Variants in COL4A2 observed in about 807,000 individuals in gnomAD.
The protein encoded by COL4A2 is collagen type IV alpha 2 chain.
COL4A2 carries 99 observed loss-of-function variants against 200.2 expected under a neutral mutation model. The observed-to-expected ratio is 0.49, with a 90% CI of 0.42 to 0.58. The LOEUF (loss-of-function observed/expected upper bound fraction) is 0.58. COL4A2 is among the 20% of genes least tolerant of loss of function. COL4A2 has a pLI of 0.00. For synonymous variants in COL4A2, 897 were observed against 900.6 expected (o/e 1.00, Z 0.07); for missense variants, 1,950 against 2,314.1 (o/e 0.84, Z 3.23).
chr13:110,360,019 T>G (rs1877446721), intron 4 of COL4A2, among the ~76,000 whole-genome samples: 1 of 152,232 alleles, frequency 6.6e-6, no homozygotes, highest in Non-Finnish European at 1.5e-5. Flanking sequence ...AATTTTTAAG[T>G]TTATGGAAGC....
Position 110,339,853 on chromosome 13 carries a change from A to T in COL4A2, c.100-17619A>T, listed in dbSNP as rs116520574. ...AAATAATGACAGTCTGTGGCACTTCAGAAGCATTCCAGAAATGGAACAATG... is the reference window on the plus strand; with the variant it reads ...AAATAATGACAGTCTGTGGCACTTCTGAAGCATTCCAGAAATGGAACAATG... On this transcript the variant is annotated intron_variant, in intron 3 of 47. Coordinates refer to ENST00000360467, the MANE Select transcript of COL4A2 (RefSeq NM_001846.4). 8.7e-3 allele frequency among the ~76,000 whole-genome samples: 1,321 copies of T among 152,344 alleles called. 19 individuals are homozygous for T. Among genetic ancestry groups the T allele is most frequent in the African/African-American group, 0.03 (1,252 of 41,574 alleles).
rs1883968346 is a variant in COL4A2, at chr13:110,508,576, T to C, written c.4881+355T>C. ...GAAGTCTAAATATATGGGAGACTTT[T>C]CTCTAGAATCCTGATCTTATTTAGA... On this transcript the variant is annotated intron_variant, in intron 47 of 47. Transcript: ENST00000360467. The surrounding 1 kb of genome is among the most constrained non-coding windows in gnomAD (Gnocchi z 6.1). Among the ~76,000 whole-genome samples the C allele has an allele frequency of 6.6e-6, 1 of 152,246 alleles. No individual in the cohort carries two copies. The highest frequency in any genetic ancestry group is 6.5e-5 in the Admixed American group (1 of 15,284).
At position 110,308,426 on chromosome 13, in the gene COL4A2, G is replaced by C. The variant is rs183571409; in HGVS notation, c.99+303G>C. On this transcript the variant is annotated intron_variant, in intron 3 of 47. Coordinates refer to ENST00000360467, the MANE Select transcript of COL4A2 (RefSeq NM_001846.4). ...CGTTGCTTTGGGCAAAGCTGCAGCC[G>C]TAGAGGCCAGGAAAGTGTGTCAGTC... 7.2e-5 allele frequency among the ~76,000 whole-genome samples: 11 copies of C among 152,218 alleles called. No individual in the cohort carries two copies. The East Asian group carries it at 2.1e-3, about 29-fold the overall frequency.
intron 4 of COL4A2, among the ~76,000 whole-genome samples, chr13:110,392,823 A>G (rs1879037937): frequency 6.6e-6 from 1 of 152,238 alleles, no homozygotes; most frequent in South Asian, 2.1e-4. Context: ...AAAAGAAAGA[A>G]GTAGAAGAAC....
intron 3 of COL4A2, among the ~76,000 whole-genome samples, chr13:110,315,002 T>C (rs112768206): frequency 0.066 from 10,121 of 152,322 alleles, 410 homozygotes; most frequent in Non-Finnish European, 0.097. Context: ...GAAAGGGGCC[T>C]GGAGCCAGGA....
At chr13:110,443,143 T>G (rs999569330) in intron 16 of COL4A2, among the ~76,000 whole-genome samples, 4 of 152,240 alleles carry the variant, frequency 2.6e-5, no homozygotes, top group Non-Finnish European at 4.4e-5. Flanking sequence ...TTTATGGAAC[T>G]CTCACTGTCT....
At chr13:110,402,476 C>T (rs776558023) in intron 4 of COL4A2, among the ~76,000 whole-genome samples, 1 of 152,172 alleles carries the variant, frequency 6.6e-6, no homozygotes, top group Non-Finnish European at 1.5e-5. Context: ...GGATTGGTTC[C>T]TTGAGTCTCG....
In COL4A2 at chr13:110,357,516, T is replaced by A. The variant is rs1566491442; in HGVS notation, c.144T>A (p.Ser48Arg). ...FDVPCGGRDC[S>R]GGCQCYPEKG... ...TGCCGTGTGGAGGAAGAGATTGCAG[T>A]GGGGGCTGCCAGTGCTACCCTGAGA... The change falls in exon 4 of 48, where the codon AGT (serine) becomes AGA (arginine). Residue 48 changes from serine to arginine, a missense_variant. Transcript: ENST00000360467. 1.3e-6 allele frequency: 2 copies of A among 1,593,712 alleles called. No individual in the cohort carries two copies. Among genetic ancestry groups the A allele is most frequent in the South Asian group, 2.3e-5 (2 of 87,938 alleles).
In COL4A2 at chr13:110,439,787, A is replaced by G; in HGVS notation, c.913-2A>G. 1.2e-6 allele frequency: 2 copies of G among 1,613,832 alleles called. No homozygotes were observed. Among genetic ancestry groups the G allele is most frequent in the Non-Finnish European group, 1.7e-6 (2 of 1,179,924 alleles). ...TTTGCTTCTGTTTTTTGTTCATTCCAGGGTTACCCTGGCTTGAGTGGTGAA... is the reference window on the plus strand; with the variant it reads ...TTTGCTTCTGTTTTTTGTTCATTCCGGGGTTACCCTGGCTTGAGTGGTGAA... On this transcript the variant is annotated splice_acceptor_variant, in intron 15 of 47. Coordinates refer to ENST00000360467, the MANE Select transcript of COL4A2 (RefSeq NM_001846.4). LOFTEE classifies it high-confidence loss of function.
At chr13:110,327,144 G>A (rs901652463) in intron 3 of COL4A2, among the ~76,000 whole-genome samples, 1 of 152,094 alleles carries the variant, frequency 6.6e-6, no homozygotes, top group Admixed American at 6.5e-5. Flanking sequence ...CCAACTCTAA[G>A]GTGCTAACCC....
intron 3 of COL4A2, among the ~76,000 whole-genome samples, chr13:110,349,123 A>G (rs1566486496): frequency 2.0e-5 from 3 of 152,144 alleles, no homozygotes; most frequent in Non-Finnish European, 2.9e-5. Flanking sequence ...TATGTTGACA[A>G]TTTGCAGTGG....
chr13:110,322,512 A>G (rs1885301173), intron 3 of COL4A2, among the ~76,000 whole-genome samples: 2 of 152,166 alleles, frequency 1.3e-5, no homozygotes, highest in African/African-American at 2.4e-5. Flanking sequence ...GGAGGAGGAC[A>G]GGGGATGGAC....
Position 110,469,526 on chromosome 13 carries a change from C to T in COL4A2, c.2203+202C>T, listed in dbSNP as rs9583501. On this transcript the variant is annotated intron_variant, in intron 28 of 47. Coordinates refer to ENST00000360467, the MANE Select transcript of COL4A2 (RefSeq NM_001846.4). The stretch of plus-strand genomic sequence containing the variant: ...TGTACTGGGTTTTTGCAGAAGCTAT[C>T]TACAGATCTTGCAGGAAAAAGGAGA... 0.21 allele frequency among the ~76,000 whole-genome samples: 31,738 copies of T among 152,176 alleles called. 3,598 individuals are homozygous for T. Among genetic ancestry groups the T allele is most frequent in the Middle Eastern group, 0.37 (110 of 294 alleles).
intron 45 of COL4A2, among the ~76,000 whole-genome samples, chr13:110,505,142 A>G (rs987732701): frequency 6.6e-6 from 1 of 151,434 alleles, no homozygotes; most frequent in Admixed American, 6.6e-5. Context: ...CAAGGGCAGG[A>G]GATCGAGACC....
At chr13:110,420,426 G>A (rs147066411) in intron 4 of COL4A2, among the ~76,000 whole-genome samples, 247 of 152,222 alleles carry the variant, frequency 1.6e-3, no homozygotes, top group Non-Finnish European at 2.9e-3. Flanking sequence ...CAGGGCGGGG[G>A]GCAGGGGACA....
At chr13:110,338,849 C>T (rs1876325955) in intron 3 of COL4A2, among the ~76,000 whole-genome samples, 1 of 152,216 alleles carries the variant, frequency 6.6e-6, no homozygotes, top group Non-Finnish European at 1.5e-5. Context: ...GCCGGGAGGT[C>T]ACAACGCTTG....
intron 3 of COL4A2, among the ~76,000 whole-genome samples, chr13:110,316,886 A>T (rs1236062105): frequency 6.6e-6 from 1 of 152,206 alleles, no homozygotes. Context: ...GGTACATGTA[A>T]AACATAGATA....
intron 29 of COL4A2, among the ~76,000 whole-genome samples, chr13:110,477,023 A>G (rs1882729765): frequency 6.6e-6 from 1 of 152,238 alleles, no homozygotes; most frequent in Admixed American, 6.5e-5. Flanking sequence ...ACTAAAATCT[A>G]TCAGGAAAAT....
At chr13:110,503,012 C>T in intron 41 of COL4A2, 109 bp from the exon 42 acceptor site, 5 of 996,518 alleles carry the variant, frequency 5.0e-6, no homozygotes, top group Non-Finnish European at 7.7e-6. Context: ...CATTCCATGC[C>T]ACAGACTTGC....
Sources: gnomAD v4.1 joint callset for allele counts (sites outside exome capture counted in the v4.1 genomes callset) on GRCh38, gnomAD v4.1.1 for gene constraint, Gnocchi (gnomAD v3.1) non-coding constraint, MANE v1.5 for transcripts, NCBI Gene and HGNC (gene_info 2026-07-23, HGNC 2026-07-21) for gene names.